TMEM123: variants seen among roughly 807,000 people sequenced by gnomAD.
The protein encoded by TMEM123 is transmembrane protein 123.
In TMEM123, 16 loss-of-function variants were observed where a neutral mutation model predicts 19.7. That is an observed-to-expected ratio of 0.81 (90% CI 0.55 to 1.23). The LOEUF (loss-of-function observed/expected upper bound fraction) is 1.23, where lower values mean the gene tolerates loss of function less well. TMEM123 is among the 50% of genes most tolerant of loss of function. The pLI, the probability that TMEM123 is intolerant of heterozygous loss-of-function variation, is 0.00. For synonymous variants in TMEM123, 118 were observed against 99.4 expected (o/e 1.19, Z -1.12); for missense variants, 313 against 257.8 (o/e 1.21, Z -1.47).
intron 2 of TMEM123, among the ~76,000 whole-genome samples, chr11:102,404,992 C>G (rs979210391): frequency 1.3e-5 from 2 of 151,976 alleles, no homozygotes; most frequent in Non-Finnish European, 2.9e-5. Context: ...GGAATTTCTA[C>G]TACTTTCTTC....
intron 4 of TMEM123, among the ~76,000 whole-genome samples, chr11:102,400,819 G>A (rs1005706361): frequency 2.3e-4 from 35 of 152,318 alleles, no homozygotes; most frequent in African/African-American, 8.4e-4. Context: ...CCGGAAGTGT[G>A]AGAACTAAAT....
chr11:102,413,488 T>C (rs948084630), intron 2 of TMEM123, among the ~76,000 whole-genome samples: 1 of 152,166 alleles, frequency 6.6e-6, no homozygotes, highest in African/African-American at 2.4e-5. Flanking sequence ...CACATTGGAA[T>C]GTTATTGCCA....
chr11:102,443,009 A>C (rs1444575023), intron 2 of TMEM123, among the ~76,000 whole-genome samples: 3 of 152,254 alleles, frequency 2.0e-5, no homozygotes, highest in Admixed American at 6.5e-5. Context: ...GGAACTGTTC[A>C]AGGAGAACTA....
chr11:102,416,106 A>C (rs987197353), intron 2 of TMEM123, among the ~76,000 whole-genome samples: 3 of 151,990 alleles, frequency 2.0e-5, no homozygotes, highest in Non-Finnish European at 2.9e-5. Flanking sequence ...GTAGAGACAG[A>C]GTTTTACCAT....
At chr11:102,435,699 G>A (rs972122997) in intron 2 of TMEM123, among the ~76,000 whole-genome samples, 4 of 151,876 alleles carry the variant, frequency 2.6e-5, no homozygotes, top group Non-Finnish European at 5.9e-5. Context: ...CAGATGAATG[G>A]ATAAACCATA....
chr11:102,435,742 A>G (rs1191552372), intron 2 of TMEM123, among the ~76,000 whole-genome samples: 1 of 152,000 alleles, frequency 6.6e-6, no homozygotes, highest in Non-Finnish European at 1.5e-5. Context: ...TTGTGTGGCC[A>G]TAAAAGAGAA....
intron 1 of TMEM123, among the ~76,000 whole-genome samples, chr11:102,450,085 T>C (rs568520240): frequency 6.6e-6 from 1 of 152,164 alleles, no homozygotes; most frequent in Admixed American, 6.5e-5. Flanking sequence ...CACCCTCCAA[T>C]CCATCAGCAA....
chr11:102,405,856 T>C (rs900974254), intron 2 of TMEM123, among the ~76,000 whole-genome samples: 2 of 152,238 alleles, frequency 1.3e-5, no homozygotes, highest in Admixed American at 6.5e-5. Context: ...TTTGTCGATT[T>C]CTATGAATTG....
rs369121999 is a variant in TMEM123 at position 102,404,734 on chromosome 11, G to GGATTACAGGCATGCACCACC, written c.158-2548_158-2529dup. Among the ~76,000 whole-genome samples, 114 of 152,132 alleles carry GGATTACAGGCATGCACCACC rather than the reference G, an allele frequency of 7.5e-4. 1 individual carries two copies. Among genetic ancestry groups the GGATTACAGGCATGCACCACC allele is most frequent in the African/African-American group, 2.5e-3 (103 of 41,486 alleles). ...CCTGCCTCAGCCTCCTTAGTAGCTGGGATTACAGGCATGCACCACCAAGCC... is the reference window on the plus strand; with the variant it reads ...CCTGCCTCAGCCTCCTTAGTAGCTGGGATTACAGGCATGCACCACCGATTACAGGCATGCACCACCAAGCC... On this transcript the variant is annotated intron_variant, in intron 2 of 4. Transcript: ENST00000398136.
chr11:102,437,985 T>C (rs1857782332), intron 2 of TMEM123, among the ~76,000 whole-genome samples: 1 of 152,114 alleles, frequency 6.6e-6, no homozygotes, highest in Non-Finnish European at 1.5e-5. Flanking sequence ...TCTACAGCCC[T>C]TCCTAGTCAC....
intron 2 of TMEM123, among the ~76,000 whole-genome samples, chr11:102,433,321 C>A (rs777820994): frequency 6.6e-6 from 1 of 151,970 alleles, no homozygotes; most frequent in Non-Finnish European, 1.5e-5. Flanking sequence ...TGCATCAGCA[C>A]GATCTGGATA....
At chr11:102,403,167 TGCTG>T (rs576244013) in intron 2 of TMEM123, among the ~76,000 whole-genome samples, 182 of 152,244 alleles carry the variant, frequency 1.2e-3, no homozygotes, top group African/African-American at 4.0e-3. Flanking sequence ...CCTGCTACCA[TGCTG>T]GCTAATTTTT....
At chr11:102,401,356 AATAATT>A (rs920361999) in intron 4 of TMEM123, among the ~76,000 whole-genome samples, 177 bp downstream of exon 4, 28 of 152,324 alleles carry the variant, frequency 1.8e-4, no homozygotes, top group Non-Finnish European at 8.8e-5. Flanking sequence ...TTCATTTGCA[AATAATT>A]ATAATCACAA....
At chr11:102,416,332 A>C (rs1952044021) in intron 2 of TMEM123, among the ~76,000 whole-genome samples, 1 of 152,216 alleles carries the variant, frequency 6.6e-6, no homozygotes, top group Non-Finnish European at 1.5e-5. Context: ...AAACATTACC[A>C]CCAACCCTAC....
chr11:102,401,594 G>C lies in TMEM123; in HGVS notation c.547C>G (p.Leu183Val). 5 of 1,603,456 alleles carry C rather than the reference G, an allele frequency of 3.1e-6. No individual in the cohort carries two copies. Among genetic ancestry groups the C allele is most frequent in the Non-Finnish European group, 4.2e-6 (5 of 1,177,520 alleles). ...IVLTLGVLSI[L>V]YIGCKMYYSR... ...TAATACATTTTGCATCCAATGTAAA[G>C]AATAGATAAAACTCCCAGCGTTAAT... The change falls in exon 4 of 5, where the codon CTT (leucine) becomes GTT (valine). Residue 183 changes from leucine (L) to valine (V), a missense_variant. Transcript: ENST00000398136.
intron 2 of TMEM123, among the ~76,000 whole-genome samples, chr11:102,438,769 T>C (rs1192506830): frequency 2.0e-5 from 3 of 152,250 alleles, no homozygotes; most frequent in South Asian, 2.1e-4. Flanking sequence ...CCACAGAGCG[T>C]AAGCCGAAGC....
chr11:102,448,958 T>A, intron 1 of TMEM123, 90 bp from the exon 2 acceptor site: 14 of 1,292,716 alleles, frequency 1.1e-5, no homozygotes, highest in Non-Finnish European at 1.6e-5. Flanking sequence ...GGAGTAGGGG[T>A]AGTGGTGTCA....
intron 2 of TMEM123, among the ~76,000 whole-genome samples, chr11:102,408,363 T>A (rs11225245): frequency 0.011 from 1,737 of 152,338 alleles, 35 homozygotes; most frequent in African/African-American, 0.039. Context: ...TCCTAATTTT[T>A]CTGTGATTAG....
intron 2 of TMEM123, among the ~76,000 whole-genome samples, chr11:102,406,063 A>C (rs138384890): frequency 1.3e-5 from 2 of 152,272 alleles, no homozygotes; most frequent in Non-Finnish European, 2.9e-5. Context: ...TAACTGTTGA[A>C]ATGCTGACTG....
Sources: allele counts gnomAD v4.1 joint callset (sites outside exome capture counted in the v4.1 genomes callset), GRCh38; gene constraint gnomAD v4.1.1; transcripts MANE v1.5; gene names NCBI Gene and HGNC (gene_info 2026-07-23, HGNC 2026-07-21).